Variants in MAGI1 observed in about 807,000 individuals in gnomAD.
The protein encoded by MAGI1 is membrane-associated guanylate kinase, WW and PDZ domain-containing protein 1.
MAGI1 carries 58 observed loss-of-function variants against 139.9 expected under a neutral mutation model. That is an observed-to-expected ratio of 0.41 (90% CI 0.34 to 0.52). The LOEUF is 0.52. MAGI1 is among the 20% of genes least tolerant of loss of function. The probability of loss-of-function intolerance (pLI) is 0.12; values close to 1 mark genes in which losing one functional copy is unlikely to be tolerated. For missense variants in MAGI1, 1,874 were observed against 1,901.6 expected (o/e 0.99, Z 0.27); for synonymous variants, 812 against 737.9 (o/e 1.10, Z -1.63).
rs1271749975 is a variant in MAGI1 at position 66,038,463 on chromosome 3, G to C, written c.-155C>G. On this transcript the variant is annotated 5_prime_UTR_variant, in exon 1 of 23. Coordinates refer to ENST00000402939, the MANE Select transcript of MAGI1 (RefSeq NM_001033057.2). ...TTGGCAGCCTCGCTCCCCTGCACACGCTCGCGCACTCAAGCCATCATAAAA... is the reference window on the plus strand; with the variant it reads ...TTGGCAGCCTCGCTCCCCTGCACACCCTCGCGCACTCAAGCCATCATAAAA... 16 of 1,037,002 alleles carry C rather than the reference G, an allele frequency of 1.5e-5. No individual in the cohort carries two copies. The highest frequency in any genetic ancestry group is 2.0e-5 in the Non-Finnish European group (15 of 754,486). The allele number at this position is 1,037,002 out of a possible 1,614,324, so 64.2% of individuals were successfully genotyped here.
chr3:65,636,905 A>G (rs1315158204), intron 1 of MAGI1, among the ~76,000 whole-genome samples: 1 of 152,132 alleles, frequency 6.6e-6, no homozygotes, highest in Non-Finnish European at 1.5e-5. Context: ...GACCCAGCCG[A>G]CCAAATCTTA....
At chr3:65,502,082 C>T (rs1452543912) in intron 2 of MAGI1, among the ~76,000 whole-genome samples, 1 of 152,192 alleles carries the variant, frequency 6.6e-6, no homozygotes, top group Non-Finnish European at 1.5e-5. Context: ...TTGTTTCTTG[C>T]CTGCGGTGGT....
In MAGI1 at chr3:65,419,233, C is replaced by CACACACACACACACACACACACAT. The variant is rs1303506335; in HGVS notation, c.2167+10286_2167+10287insATGTGTGTGTGTGTGTGTGTGTGT. On this transcript the variant is annotated intron_variant, in intron 12 of 22. Coordinates refer to ENST00000402939, the MANE Select transcript of MAGI1 (RefSeq NM_001033057.2). ...TATAACACATTCATACACACACACACACACACACACACAAGTGTATGAATG... is the reference window on the plus strand; with the variant it reads ...TATAACACATTCATACACACACACACACACACACACACACACACACACATACACACACACACAAGTGTATGAATG... 9.9e-3 allele frequency among the ~76,000 whole-genome samples: 1,508 copies of CACACACACACACACACACACACAT among 151,676 alleles called. 32 individuals are homozygous for CACACACACACACACACACACACAT. The highest frequency in any genetic ancestry group is 0.034 in the African/African-American group (1,404 of 41,268).
At chr3:65,731,488 TAAAA>T (rs555310553) in intron 1 of MAGI1, among the ~76,000 whole-genome samples, 2 of 135,908 alleles carry the variant, frequency 1.5e-5, no homozygotes, top group East Asian at 2.1e-4. Flanking sequence ...CCCTATCTCT[TAAAA>T]AAAAAAAAAA....
At chr3:65,449,908 G>C (rs913902834) in intron 6 of MAGI1, among the ~76,000 whole-genome samples, 2 of 152,126 alleles carry the variant, frequency 1.3e-5, no homozygotes, top group African/African-American at 4.8e-5. Context: ...TCATATTTTT[G>C]GGGGCAAAGT....
At chr3:65,697,587 T>C (rs1265194713) in intron 1 of MAGI1, among the ~76,000 whole-genome samples, 1 of 98,852 alleles carries the variant, frequency 1.0e-5, no homozygotes, top group African/African-American at 5.1e-5. Flanking sequence ...AATCAATAAA[T>C]GTAATCCAGC....
chr3:65,457,347 C>T (rs1559570585), intron 5 of MAGI1, among the ~76,000 whole-genome samples: 1 of 152,040 alleles, frequency 6.6e-6, no homozygotes, highest in East Asian at 1.9e-4. Context: ...GAGTAGTATT[C>T]CATGAAATTA....
chr3:65,460,237 AT>A (rs1165371625), intron 5 of MAGI1, among the ~76,000 whole-genome samples: 1 of 152,212 alleles, frequency 6.6e-6, no homozygotes, highest in Non-Finnish European at 1.5e-5. Context: ...CACTAGAACA[AT>A]TCCCACTTGA....
At chr3:65,684,167 CAAA>C (rs1163089641) in intron 1 of MAGI1, among the ~76,000 whole-genome samples, 13 of 79,392 alleles carry the variant, frequency 1.6e-4, no homozygotes, top group African/African-American at 4.7e-4. Flanking sequence ...GAGACTGTCT[CAAA>C]AAAAAAAAAA....
chr3:65,787,923 C>T lies in MAGI1; in HGVS notation c.314-165835G>A, dbSNP rs181145492. 1.4e-3 allele frequency among the ~76,000 whole-genome samples: 210 copies of T among 152,156 alleles called. 1 individual carries two copies. Among genetic ancestry groups the T allele is most frequent in the Non-Finnish European group, 2.3e-3 (154 of 68,006 alleles). On this transcript the variant is annotated intron_variant, in intron 1 of 22. Coordinates refer to ENST00000402939, the MANE Select transcript of MAGI1 (RefSeq NM_001033057.2). ...GGTTGAAACCAAGCATGGAAAGTGACGGGGTTAAGAAAGTAAGCATGAGCC... is the reference window on the plus strand; with the variant it reads ...GGTTGAAACCAAGCATGGAAAGTGATGGGGTTAAGAAAGTAAGCATGAGCC...
At chr3:65,460,010 C>G (rs891530570) in intron 5 of MAGI1, among the ~76,000 whole-genome samples, 2 of 152,204 alleles carry the variant, frequency 1.3e-5, no homozygotes, top group Admixed American at 6.5e-5. Context: ...GGCATTTCAT[C>G]TTTTCACTAT....
chr3:65,369,286 G>C (rs767978559), intron 18 of MAGI1, among the ~76,000 whole-genome samples: 4 of 152,132 alleles, frequency 2.6e-5, no homozygotes, highest in African/African-American at 4.8e-5. Flanking sequence ...GGTTTTGTTG[G>C]AAAAGTCAGA....
intron 1 of MAGI1, among the ~76,000 whole-genome samples, chr3:65,822,849 T>C (rs59369242): frequency 6.6e-6 from 1 of 152,108 alleles, no homozygotes; most frequent in Non-Finnish European, 1.5e-5. Flanking sequence ...GCTGAACCAT[T>C]TGTGAACCAT....
chr3:65,765,036 G>A (rs1276799420), intron 1 of MAGI1, among the ~76,000 whole-genome samples: 2 of 152,150 alleles, frequency 1.3e-5, no homozygotes, highest in Admixed American at 6.5e-5. Context: ...CTAACAGTGA[G>A]GCTGATTTTC....
In MAGI1 at chr3:65,361,190, T is replaced by C. The variant is rs373312171; in HGVS notation, c.3634+9A>G. 7.7e-5 allele frequency: 124 copies of C among 1,614,044 alleles called. 1 individual carries two copies. The highest frequency in any genetic ancestry group is 9.7e-5 in the Non-Finnish European group (115 of 1,180,024). On this transcript the variant is annotated intron_variant, in intron 22 of 22. Transcript: ENST00000402939. ...GGGAAGGAAGGAATGTTTTCATAGT[T>C]TGACCCACCATATTCTGGTACTGAG...
chr3:65,731,814 G>A (rs1483561260), intron 1 of MAGI1, among the ~76,000 whole-genome samples: 1 of 152,070 alleles, frequency 6.6e-6, no homozygotes, highest in Non-Finnish European at 1.5e-5. Context: ...CTGATACTAA[G>A]AAGAATGTTA....
intron 2 of MAGI1, among the ~76,000 whole-genome samples, chr3:65,562,864 A>G (rs2080427136): frequency 6.6e-6 from 1 of 152,218 alleles, no homozygotes; most frequent in African/African-American, 2.4e-5. Context: ...TAACACACAC[A>G]GTGTTCATTC....
intron 1 of MAGI1, among the ~76,000 whole-genome samples, chr3:65,769,025 T>C (rs1293355696): frequency 6.6e-6 from 1 of 151,994 alleles, no homozygotes; most frequent in Non-Finnish European, 1.5e-5. Context: ...GTAACTTAAA[T>C]AGATGAATTT....
At chr3:65,459,120 G>C (rs1949601557) in intron 5 of MAGI1, among the ~76,000 whole-genome samples, 1 of 152,128 alleles carries the variant, frequency 6.6e-6, no homozygotes, top group African/African-American at 2.4e-5. Flanking sequence ...GTAGATGTAT[G>C]GATTTGTTTC....
Sources: gnomAD v4.1 joint callset for allele counts (sites outside exome capture counted in the v4.1 genomes callset) on GRCh38, gnomAD v4.1.1 for gene constraint, MANE v1.5 for transcripts, NCBI Gene and HGNC (gene_info 2026-07-23, HGNC 2026-07-21) for gene names.